Variants in ADGRL4 observed in about 807,000 individuals in gnomAD.
The protein encoded by ADGRL4 is EGF, latrophilin and seven transmembrane domain containing 1.
A neutral mutation model predicts 74.8 loss-of-function variants in ADGRL4; 90 were observed. The ratio of observed to expected loss-of-function variants is 1.20; its 90% confidence interval spans 1.02 to 1.43. The LOEUF (loss-of-function observed/expected upper bound fraction) is 1.43. Among genes scored for constraint, ADGRL4 ranks in the 40% most tolerant of loss-of-function variants. The pLI, the probability that ADGRL4 is intolerant of heterozygous loss-of-function variation, is 0.00. For missense variants in ADGRL4, 881 were observed against 814.3 expected, an observed-to-expected ratio of 1.08 and a Z score of -1.00; for synonymous variants, 311 against 279.2, an observed-to-expected ratio of 1.11 and a Z score of -1.14.
intron 12 of ADGRL4, among the ~76,000 whole-genome samples, chr1:78,907,477 A>G (rs1427086917): frequency 6.6e-6 from 1 of 152,058 alleles, no homozygotes; most frequent in Non-Finnish European, 1.5e-5. Context: ...CACAGAGCTT[A>G]CAGTACTCCT....
chr1:78,963,458 T>C (rs1381314598), intron 2 of ADGRL4, among the ~76,000 whole-genome samples: 8 of 152,164 alleles, frequency 5.3e-5, no homozygotes, highest in Admixed American at 5.2e-4. Context: ...GCTGTCAACA[T>C]TGTCTTTCTC....
chr1:78,920,671 G>A (rs535459753), intron 9 of ADGRL4, among the ~76,000 whole-genome samples: 6 of 151,670 alleles, frequency 4.0e-5, no homozygotes, highest in African/African-American at 7.2e-5. Context: ...CAATGTTATC[G>A]TCATTAATTT....
At chr1:78,931,164 T>C (rs1649234018) in intron 7 of ADGRL4, among the ~76,000 whole-genome samples, 1 of 151,052 alleles carries the variant, frequency 6.6e-6, no homozygotes, top group South Asian at 2.1e-4. Context: ...GGAAAAAATG[T>C]TATGGGCAGC....
chr1:79,006,119 G>A (rs1650957347), intron 1 of ADGRL4, among the ~76,000 whole-genome samples: 1 of 152,178 alleles, frequency 6.6e-6, no homozygotes, highest in Non-Finnish European at 1.5e-5. Flanking sequence ...TCATTGTTCT[G>A]AAAACAGTCA....
intron 12 of ADGRL4, among the ~76,000 whole-genome samples, chr1:78,895,411 G>C (rs1325179106): frequency 1.3e-5 from 2 of 151,952 alleles, no homozygotes; most frequent in South Asian, 4.1e-4. Context: ...GAAACAGATA[G>C]TAAACAAATA....
At chr1:78,917,539 CT>C in intron 12 of ADGRL4, 94 bp downstream of exon 12, 1 of 701,320 alleles carries the variant, frequency 1.4e-6, no homozygotes, top group East Asian at 2.8e-5. Context: ...TATTCAAATT[CT>C]TCTTTTTTAG....
At chr1:78,899,738 C>A (rs1648479198) in intron 12 of ADGRL4, among the ~76,000 whole-genome samples, 1 of 151,964 alleles carries the variant, frequency 6.6e-6, no homozygotes, top group African/African-American at 2.4e-5. Context: ...CAAAGTAGAA[C>A]AGGTTTTGTC....
At chr1:78,910,432 G>T (rs1287762160) in intron 12 of ADGRL4, among the ~76,000 whole-genome samples, 1 of 151,794 alleles carries the variant, frequency 6.6e-6, no homozygotes, top group Non-Finnish European at 1.5e-5. Flanking sequence ...ACATAATTAT[G>T]AGAGTTTTGA....
chr1:79,002,777 A>G (rs1170277868), intron 2 of ADGRL4, among the ~76,000 whole-genome samples: 1 of 152,064 alleles, frequency 6.6e-6, no homozygotes, highest in Non-Finnish European at 1.5e-5. Flanking sequence ...TAGCTATTCT[A>G]ATGTTGATGT....
At chr1:78,951,418 C>A (rs1029791980) in intron 2 of ADGRL4, among the ~76,000 whole-genome samples, 1 of 152,166 alleles carries the variant, frequency 6.6e-6, no homozygotes, top group African/African-American at 2.4e-5. Context: ...TTCAGCCCAA[C>A]TTGCCAGTAA....
At chr1:78,980,166 G>GCA (rs1251795539) in intron 2 of ADGRL4, among the ~76,000 whole-genome samples, 1 of 151,002 alleles carries the variant, frequency 6.6e-6, no homozygotes, top group Non-Finnish European at 1.5e-5. Context: ...TCATGCGTGT[G>GCA]CACACACACA....
intron 2 of ADGRL4, among the ~76,000 whole-genome samples, chr1:78,962,556 C>G (rs1649976540): frequency 6.6e-6 from 1 of 152,104 alleles, no homozygotes; most frequent in South Asian, 2.1e-4. Flanking sequence ...CCTGTCTCCC[C>G]CATCCAAGCT....
intron 12 of ADGRL4, among the ~76,000 whole-genome samples, chr1:78,903,295 C>T (rs1420402859): frequency 6.6e-6 from 1 of 152,112 alleles, no homozygotes; most frequent in Non-Finnish European, 1.5e-5. Context: ...ACAAATAAGA[C>T]TTAAGATGTC....
chr1:79,003,670 T>A (rs1463359869), intron 2 of ADGRL4, among the ~76,000 whole-genome samples: 1 of 152,078 alleles, frequency 6.6e-6, no homozygotes, highest in African/African-American at 2.4e-5. Flanking sequence ...AATGTGAAAA[T>A]TTTTTTATGT....
chr1:78,935,476 T>C (rs899827308), intron 7 of ADGRL4, among the ~76,000 whole-genome samples: 3 of 151,674 alleles, frequency 2.0e-5, no homozygotes, highest in Non-Finnish European at 4.4e-5. Context: ...GGCTCACGTA[T>C]AACTGTGTAA....
At chr1:78,928,511 A>G (rs1649165158) in intron 7 of ADGRL4, among the ~76,000 whole-genome samples, 1 of 151,404 alleles carries the variant, frequency 6.6e-6, no homozygotes, top group Non-Finnish European at 1.5e-5. Flanking sequence ...ATTTCCTAAT[A>G]AATCATCATC....
chr1:78,945,942 A>T (rs1649591806), intron 3 of ADGRL4, among the ~76,000 whole-genome samples: 1 of 152,100 alleles, frequency 6.6e-6, no homozygotes, highest in Admixed American at 6.6e-5. Context: ...TTCTTGGAGT[A>T]TTTTATTATT....
At chr1:78,985,313 T>C (rs570703726) in intron 2 of ADGRL4, among the ~76,000 whole-genome samples, 2 of 151,868 alleles carry the variant, frequency 1.3e-5, no homozygotes, top group South Asian at 2.1e-4. Flanking sequence ...ACTAAATACA[T>C]AAAAGCAGGC....
chr1:78,987,638 G>A (rs552110635), intron 2 of ADGRL4, among the ~76,000 whole-genome samples: 4 of 151,862 alleles, frequency 2.6e-5, no homozygotes, highest in Admixed American at 2.6e-4. Flanking sequence ...GTATGTTATT[G>A]GAACACTAAT....
Sources: gnomAD v4.1 joint callset for allele counts (sites outside exome capture counted in the v4.1 genomes callset) on GRCh38, gnomAD v4.1.1 for gene constraint, MANE v1.5 for transcripts, NCBI Gene and HGNC (gene_info 2026-07-23, HGNC 2026-07-21) for gene names.